Variants in KCNIP4 observed in about 807,000 individuals in gnomAD.
KCNIP4 encodes the protein Kv channel-interacting protein 4.
A neutral mutation model predicts 34.0 loss-of-function variants in KCNIP4; 12 were observed. That is an observed-to-expected ratio of 0.35 (90% CI 0.23 to 0.57). KCNIP4 has a LOEUF of 0.57. Among genes scored for constraint, KCNIP4 ranks in the 20% least tolerant of loss-of-function variants. The pLI is 0.83. For missense variants in KCNIP4, 238 were observed against 311.7 expected (o/e 0.76, Z 1.78); for synonymous variants, 124 against 102.2 (o/e 1.21, Z -1.29).
At chr4:21,038,216 C>G (rs984083250) in intron 1 of KCNIP4, among the ~76,000 whole-genome samples, 2 of 151,820 alleles carry the variant, frequency 1.3e-5, no homozygotes, top group African/African-American at 4.9e-5. Flanking sequence ...ACCTTGTGAT[C>G]CACCCGCCTC....
intron 1 of KCNIP4, among the ~76,000 whole-genome samples, chr4:21,242,352 A>AACT (rs1340193448): frequency 6.6e-6 from 1 of 152,106 alleles, no homozygotes; most frequent in Non-Finnish European, 1.5e-5. Context: ...GCACTTAGTT[A>AACT]AGACCTTGAG....
chr4:21,661,402 G>C (rs1009698999), intron 1 of KCNIP4, among the ~76,000 whole-genome samples: 1 of 152,134 alleles, frequency 6.6e-6, no homozygotes, highest in East Asian at 1.9e-4. Context: ...GGCTAAAAGA[G>C]CACTGTAGCA....
chr4:21,223,919 A>G (rs1758168078), intron 1 of KCNIP4, among the ~76,000 whole-genome samples: 1 of 151,962 alleles, frequency 6.6e-6, no homozygotes, highest in Admixed American at 6.6e-5. Context: ...CCTTGCCCAC[A>G]TTGGAGGTCA....
At chr4:20,793,396 T>C (rs1713029915) in intron 3 of KCNIP4, among the ~76,000 whole-genome samples, 1 of 152,088 alleles carries the variant, frequency 6.6e-6, no homozygotes. Flanking sequence ...GTGAATGAGA[T>C]TGGCAAGGAA....
rs7687837 is a variant in KCNIP4 at position 21,209,171 on chromosome 4, A to T, written c.62-326462T>A. Among the ~76,000 whole-genome samples, 12 of 152,058 alleles carry T rather than the reference A, an allele frequency of 7.9e-5. No homozygotes were observed. In the East Asian group the frequency reaches 2.1e-3, roughly 27 times the overall value. ...TAATTTACATATTTATAGGGTACATAGTGATGTTTCTATACACACCATGTA... is the reference window on the plus strand; with the variant it reads ...TAATTTACATATTTATAGGGTACATTGTGATGTTTCTATACACACCATGTA... On this transcript the variant is annotated intron_variant, in intron 1 of 8. Transcript: ENST00000382152.
intron 1 of KCNIP4, among the ~76,000 whole-genome samples, chr4:20,898,711 A>G (rs573974244): frequency 1.5e-4 from 23 of 152,320 alleles, no homozygotes; most frequent in African/African-American, 5.5e-4. Flanking sequence ...AAATAACTGT[A>G]AACTGTAAGG....
chr4:20,788,681 T>A (rs1394736366), intron 3 of KCNIP4, among the ~76,000 whole-genome samples: 3 of 152,072 alleles, frequency 2.0e-5, no homozygotes, highest in Non-Finnish European at 4.4e-5. Flanking sequence ...CAAATGAAAA[T>A]AAGGCTCTGG....
intron 2 of KCNIP4, 60 bp from the exon 3 acceptor site, chr4:20,850,727 G>C: frequency 6.4e-7 from 1 of 1,559,454 alleles, no homozygotes. Flanking sequence ...TGCTTACACA[G>C]AGCAACAAAG....
intron 1 of KCNIP4, among the ~76,000 whole-genome samples, chr4:20,938,008 T>C (rs761367218): frequency 5.3e-5 from 8 of 152,152 alleles, no homozygotes; most frequent in Non-Finnish European, 1.0e-4. Flanking sequence ...CTATCTTGTT[T>C]AGTCATTATC....
At chr4:20,837,904 G>C (rs1438983047) in intron 3 of KCNIP4, among the ~76,000 whole-genome samples, 1 of 150,882 alleles carries the variant, frequency 6.6e-6, no homozygotes, top group Non-Finnish European at 1.5e-5. Flanking sequence ...TGGCCAGGTT[G>C]GTCTTGAACA....
At chr4:21,194,665 C>G (rs1025970200) in intron 1 of KCNIP4, among the ~76,000 whole-genome samples, 1 of 152,040 alleles carries the variant, frequency 6.6e-6, no homozygotes, top group Non-Finnish European at 1.5e-5. Context: ...CTCATGAGAC[C>G]ATCCCACACT....
At chr4:21,919,714 GAGAATATC>G (rs1728834921) in intron 1 of KCNIP4, among the ~76,000 whole-genome samples, 1 of 152,116 alleles carries the variant, frequency 6.6e-6, no homozygotes, top group Non-Finnish European at 1.5e-5. Context: ...ACCTAAGGGT[GAGAATATC>G]AGGGGTGGAA....
intron 1 of KCNIP4, among the ~76,000 whole-genome samples, chr4:21,062,593 T>C (rs1744022664): frequency 6.6e-6 from 1 of 151,760 alleles, no homozygotes; most frequent in Admixed American, 6.6e-5. Context: ...CACACAATTA[T>C]AGAGTCAAAC....
At chr4:21,298,077 T>C (rs186079014) in intron 1 of KCNIP4, among the ~76,000 whole-genome samples, 201 of 152,280 alleles carry the variant, frequency 1.3e-3, no homozygotes, top group African/African-American at 4.5e-3. Context: ...ATCTGCAAAA[T>C]CAAAATATCA....
At chr4:21,547,523 G>A (rs1242693252) in intron 1 of KCNIP4, among the ~76,000 whole-genome samples, 2 of 151,992 alleles carry the variant, frequency 1.3e-5, no homozygotes, top group African/African-American at 4.8e-5. Flanking sequence ...TAACAACTGT[G>A]TAGCTGGAAG....
At chr4:21,281,147 C>T (rs536947300) in intron 1 of KCNIP4, among the ~76,000 whole-genome samples, 19 of 144,946 alleles carry the variant, frequency 1.3e-4, no homozygotes, top group East Asian at 6.1e-4. Context: ...AGTGCAGTGG[C>T]GCGATCTTGG....
chr4:20,748,189 C>T (rs1292675162), intron 5 of KCNIP4, among the ~76,000 whole-genome samples: 1 of 152,126 alleles, frequency 6.6e-6, no homozygotes, highest in African/African-American at 2.4e-5. Flanking sequence ...GACATGTCAA[C>T]TTCTGGCCTC....
At chr4:20,882,949 C>G (rs191476286) in intron 1 of KCNIP4, among the ~76,000 whole-genome samples, 33 of 149,430 alleles carry the variant, frequency 2.2e-4, no homozygotes, top group African/African-American at 7.6e-4. Context: ...AAAGCAGAAT[C>G]GTAAAATATA....
chr4:21,183,201 G>C lies in KCNIP4; in HGVS notation c.62-300492C>G, dbSNP rs74787579. On this transcript the variant is annotated intron_variant, in intron 1 of 8. Transcript: ENST00000382152. ...TGACAGAATTTCCCTCTTTTTAAAA[G>C]GCCAGATAGTATTCTATTGTGTATA... Among the ~76,000 whole-genome samples, 748 of 152,116 alleles carry C rather than the reference G, an allele frequency of 4.9e-3. 3 individuals are homozygous for C. The highest frequency in any genetic ancestry group is 0.016 in the African/African-American group (648 of 41,516).
Sources: allele counts gnomAD v4.1 joint callset (sites outside exome capture counted in the v4.1 genomes callset), GRCh38; gene constraint gnomAD v4.1.1; transcripts MANE v1.5; gene names NCBI Gene and HGNC (gene_info 2026-07-23, HGNC 2026-07-21).